Variants in AUTS2 observed in about 807,000 individuals in gnomAD.
The protein encoded by AUTS2 is activator of transcription and developmental regulator AUTS2.
Under a neutral mutation model 112.4 loss-of-function variants are expected in AUTS2, and 17 were observed. The observed-to-expected ratio is 0.15, with a 90% CI of 0.10 to 0.23. The LOEUF is 0.23. Ranked by LOEUF, AUTS2 falls within the 10% of genes least tolerant of loss-of-function variation. AUTS2 has a pLI of 1.00. For missense variants in AUTS2, 1,510 were observed against 1,701.6 expected (o/e 0.89, Z 1.98); for synonymous variants, 751 against 702.7 (o/e 1.07, Z -1.09).
intron 5 of AUTS2, among the ~76,000 whole-genome samples, chr7:70,621,001 G>A (rs944792900): frequency 1.3e-5 from 2 of 152,230 alleles, no homozygotes; most frequent in Non-Finnish European, 2.9e-5. Flanking sequence ...AGCTCAGAGC[G>A]GGGAGGACCA....
rs973071761 is a variant in AUTS2 at position 69,999,891 on chromosome 7, G to A, written c.522+100393G>A. 3.3e-5 allele frequency among the ~76,000 whole-genome samples: 5 copies of A among 152,280 alleles called. No homozygotes were observed. The South Asian group carries it at 8.3e-4, about 25-fold the overall frequency. ...GAGTTATGGAGAGGTGGTGGAAGAT[G>A]GATTATCTGGAACTGGATGGAAAGT... On this transcript the variant is annotated intron_variant, in intron 2 of 18. Coordinates refer to ENST00000342771, the MANE Select transcript of AUTS2 (RefSeq NM_015570.4).
intron 1 of AUTS2, among the ~76,000 whole-genome samples, chr7:69,899,070 C>T (rs574517829): frequency 6.6e-6 from 1 of 152,050 alleles, no homozygotes; most frequent in African/African-American, 2.4e-5. Flanking sequence ...GTTTTCTGCC[C>T]AGTAATAATA....
At chr7:70,092,368 T>C (rs1012467619) in intron 2 of AUTS2, among the ~76,000 whole-genome samples, 5 of 152,218 alleles carry the variant, frequency 3.3e-5, no homozygotes, top group African/African-American at 1.2e-4. Flanking sequence ...GTTTATTATA[T>C]TACTGCTTCA....
intron 5 of AUTS2, among the ~76,000 whole-genome samples, chr7:70,550,498 G>A (rs1800974643): frequency 6.6e-6 from 1 of 152,078 alleles, no homozygotes; most frequent in Non-Finnish European, 1.5e-5. Context: ...AGCCCCATTT[G>A]CTGCAGAAAG....
At chr7:69,780,222 A>T (rs1182838975) in intron 1 of AUTS2, among the ~76,000 whole-genome samples, 1 of 152,190 alleles carries the variant, frequency 6.6e-6, no homozygotes, top group Non-Finnish European at 1.5e-5. Context: ...TTGCTATTAA[A>T]TTTTATTCTT....
At chr7:70,546,013 T>C (rs1288697978) in intron 5 of AUTS2, among the ~76,000 whole-genome samples, 2 of 152,198 alleles carry the variant, frequency 1.3e-5, no homozygotes, top group African/African-American at 4.8e-5. Context: ...TAAAAACAGA[T>C]AGTAAGGGAT....
chr7:70,033,538 C>A (rs1330904684), intron 2 of AUTS2, among the ~76,000 whole-genome samples: 1 of 152,142 alleles, frequency 6.6e-6, no homozygotes, highest in African/African-American at 2.4e-5. Context: ...ATATCAGATA[C>A]TCCTTGGCAG....
At chr7:70,297,005 CTTTT>C (rs556668116) in intron 4 of AUTS2, among the ~76,000 whole-genome samples, 1 of 118,214 alleles carries the variant, frequency 8.5e-6, no homozygotes, top group Admixed American at 8.7e-5. Context: ...TAATGCCTGA[CTTTT>C]TTTTTTTTTT....
At chr7:70,522,788 TAGAAC>T (rs1166292564) in intron 5 of AUTS2, among the ~76,000 whole-genome samples, 1 of 152,218 alleles carries the variant, frequency 6.6e-6, no homozygotes, top group African/African-American at 2.4e-5. Flanking sequence ...GTCTTTTTGG[TAGAAC>T]AGTTTATTTT....
intron 4 of AUTS2, among the ~76,000 whole-genome samples, chr7:70,366,777 G>C (rs866129965): frequency 1.3e-5 from 2 of 152,196 alleles, no homozygotes; most frequent in Non-Finnish European, 2.9e-5. Flanking sequence ...AGAAACAAAA[G>C]AGGAGAGGAG....
intron 5 of AUTS2, among the ~76,000 whole-genome samples, chr7:70,476,892 A>T (rs1378602976): frequency 6.6e-6 from 1 of 152,232 alleles, no homozygotes; most frequent in Non-Finnish European, 1.5e-5. Context: ...GAGCCACAGA[A>T]CTTGAATTTG....
chr7:69,697,805 A>G (rs1168344892), intron 1 of AUTS2, among the ~76,000 whole-genome samples: 1 of 152,224 alleles, frequency 6.6e-6, no homozygotes, highest in Non-Finnish European at 1.5e-5. Context: ...AAGTTAAGTG[A>G]TCTTGGCTGA....
At chr7:70,760,008 A>ATT (rs879791608) in intron 6 of AUTS2, among the ~76,000 whole-genome samples, 5 of 144,338 alleles carry the variant, frequency 3.5e-5, no homozygotes, top group East Asian at 2.0e-4. Flanking sequence ...ATACAAAAAG[A>ATT]TTTTTTTTTT....
At chr7:70,457,896 G>T (rs1039805951) in intron 5 of AUTS2, among the ~76,000 whole-genome samples, 3 of 152,138 alleles carry the variant, frequency 2.0e-5, no homozygotes, top group Non-Finnish European at 4.4e-5. Context: ...TGTAGGAAAT[G>T]GTGGGGAACA....
chr7:69,730,401 A>G (rs1029225156), intron 1 of AUTS2, among the ~76,000 whole-genome samples: 8 of 151,996 alleles, frequency 5.3e-5, no homozygotes, highest in Non-Finnish European at 1.2e-4. Flanking sequence ...CTGCCCCCCA[A>G]TATTTCCTGT....
At chr7:70,301,665 T>C (rs1789220867) in intron 4 of AUTS2, among the ~76,000 whole-genome samples, 1 of 152,168 alleles carries the variant, frequency 6.6e-6, no homozygotes. Context: ...TTAAATTATA[T>C]GTAGGCTGCA....
At chr7:70,755,682 C>T (rs1789153930) in intron 6 of AUTS2, among the ~76,000 whole-genome samples, 1 of 152,088 alleles carries the variant, frequency 6.6e-6, no homozygotes, top group Admixed American at 6.6e-5. Context: ...AAAAAAAATT[C>T]AGTAGGTAAG....
At chr7:69,667,666 A>AT (rs1037007854) in intron 1 of AUTS2, among the ~76,000 whole-genome samples, 6 of 152,060 alleles carry the variant, frequency 3.9e-5, no homozygotes, top group Admixed American at 2.0e-4. Flanking sequence ...CAAAATCAAG[A>AT]TTTTGACAGT....
chr7:70,122,034 T>C (rs1426339978), intron 3 of AUTS2, among the ~76,000 whole-genome samples: 1 of 152,204 alleles, frequency 6.6e-6, no homozygotes, highest in Non-Finnish European at 1.5e-5. Flanking sequence ...TTGTAATATA[T>C]ACTACAATAT....
Sources: gnomAD v4.1 joint callset for allele counts (sites outside exome capture counted in the v4.1 genomes callset) on GRCh38, gnomAD v4.1.1 for gene constraint, MANE v1.5 for transcripts, NCBI Gene and HGNC (gene_info 2026-07-23, HGNC 2026-07-21) for gene names.